MROH2B: variants seen among roughly 807,000 people sequenced by gnomAD.
The protein encoded by MROH2B is maestro heat-like repeat-containing protein family member 2B.
Under a neutral mutation model 208.6 loss-of-function variants are expected in MROH2B, and 177 were observed. That is an observed-to-expected ratio of 0.85 (90% CI 0.75 to 0.96). The LOEUF is 0.96. Ranked by LOEUF, MROH2B falls within the 40% of genes least tolerant of loss-of-function variation. MROH2B has a pLI of 0.00. For missense variants in MROH2B, 2,002 were observed against 1,878.7 expected (o/e 1.07, Z -1.21); for synonymous variants, 728 against 659.0 (o/e 1.10, Z -1.60).
rs765855870 is a variant in MROH2B, at chr5:41,004,514, C to T, written c.4026G>A (p.Lys1342=). 1.2e-6 allele frequency: 2 copies of T among 1,605,904 alleles called. No individual in the cohort carries two copies. Among genetic ancestry groups the T allele is most frequent in the Admixed American group, 1.7e-5 (1 of 57,742 alleles). Residue 1342 remains lysine (K), a synonymous_variant, in exon 37 of 42, where the codon AAG becomes AAA. Transcript: ENST00000399564. ...SGAPHKVKKH[K]QLMLESIIRG... ...TGATGATAGATTCTAGCATTAACTG[C>T]TTATGTTTCTTCACCTATTTTGAAA...
chr5:41,044,204 C>T (rs1038636332), intron 18 of MROH2B, among the ~76,000 whole-genome samples: 3 of 149,296 alleles, frequency 2.0e-5, no homozygotes, highest in Non-Finnish European at 4.4e-5. Flanking sequence ...GGTCCGAGAT[C>T]GTGCCACCGC....
intron 26 of MROH2B, 31 bp downstream of exon 26, chr5:41,018,660 G>A (rs1404373039): frequency 1.9e-6 from 3 of 1,604,326 alleles, no homozygotes; most frequent in Middle Eastern, 1.7e-4. Context: ...TAGGGAGAAT[G>A]AGAATCAGTT....
chr5:41,030,703 A>G (rs926613698), intron 24 of MROH2B, among the ~76,000 whole-genome samples: 2 of 152,106 alleles, frequency 1.3e-5, no homozygotes, highest in African/African-American at 4.8e-5. Context: ...TGGAGTCACT[A>G]CATTACCTGA....
intron 18 of MROH2B, 82 bp downstream of exon 18, chr5:41,045,662 TTG>T: frequency 1.0e-6 from 1 of 963,168 alleles, no homozygotes. Flanking sequence ...CTCCCTTTGA[TTG>T]TGATACAGAC....
chr5:41,047,800 AC>A (rs1743167181), intron 16 of MROH2B, 36 bp from the exon 17 acceptor site: 1 of 1,545,772 alleles, frequency 6.5e-7, no homozygotes, highest in South Asian at 1.2e-5. Flanking sequence ...TCGCAAAAAA[AC>A]AAAACCACCC....
At position 41,065,325 on chromosome 5, in the gene MROH2B, C is replaced by T. The variant is rs761441537; in HGVS notation, c.361+6G>A. ...CAGGGAAAATTGGAGAATATTCCCG[C>T]TATACCATAGCTGGTTGCCAATTCA... On this transcript the variant is annotated splice_donor_region_variant and intron_variant, in intron 4 of 41. Transcript: ENST00000399564. The T allele has an allele frequency of 2.5e-6, 4 of 1,608,194 alleles. No homozygotes were observed. The highest frequency in any genetic ancestry group is 3.4e-6 in the Non-Finnish European group (4 of 1,177,344).
rs559322424 is a variant in MROH2B at position 41,017,169 on chromosome 5, C to A, written c.2884+681G>T. ...TCTACTCTGCAGAACTGCACACACA[C>A]AACGTAGGGCTGTCCTTGGTGAAAC... is the stretch of plus-strand genomic sequence containing the variant. On this transcript the variant is annotated intron_variant, in intron 28 of 41. Coordinates refer to ENST00000399564, the MANE Select transcript of MROH2B (RefSeq NM_173489.5). Among the ~76,000 whole-genome samples, 6 of 152,332 alleles carry A rather than the reference C, an allele frequency of 3.9e-5. No individual in the cohort carries two copies. In the South Asian group the frequency reaches 6.2e-4, roughly 16 times the overall value.
At chr5:41,006,485 G>A (rs145087926) in intron 34 of MROH2B, among the ~76,000 whole-genome samples, 295 of 152,194 alleles carry the variant, frequency 1.9e-3, no homozygotes, top group African/African-American at 6.6e-3. Flanking sequence ...CCACTACTAG[G>A]TATCTACCCA....
At position 41,067,116 on chromosome 5, in the gene MROH2B, C is replaced by A. The variant is rs756629778; in HGVS notation, c.193G>T (p.Asp65Tyr). The change falls in exon 3 of 42, where the codon GAC becomes TAC. Residue 65 changes from aspartate (D) to tyrosine (Y), a missense_variant. Asp to Tyr is a radical substitution (Grantham distance 160). Transcript: ENST00000399564. ...LIYYASKDMR[D>Y]NNMLREIRML... The stretch of plus-strand genomic sequence containing the variant: ...TCATGAACCAAACTTACATTGTTGT[C>A]TCTCATATCCTTAGAAGCATAATAA... The A allele has an allele frequency of 4.5e-6, 7 of 1,546,792 alleles. No individual in the cohort carries two copies. Among genetic ancestry groups the A allele is most frequent in the Non-Finnish European group, 6.1e-6 (7 of 1,142,136 alleles).
chr5:41,019,408 T>C lies in MROH2B; in HGVS notation c.2442-390A>G, dbSNP rs112591309. On this transcript the variant is annotated intron_variant, in intron 24 of 41. Transcript: ENST00000399564. ...AGAGATATGTATCTCCTCAACTAGA[T>C]TGTAAGTCTGCAGCAGTGACTTTTA... Among the ~76,000 whole-genome samples the C allele has an allele frequency of 2.2e-3, 339 of 152,208 alleles. 1 individual carries two copies. The highest frequency in any genetic ancestry group is 7.5e-3 in the African/African-American group (310 of 41,538).
intron 12 of MROH2B, 58 bp downstream of exon 12, chr5:41,052,407 T>G (rs369559201): frequency 6.9e-7 from 1 of 1,455,668 alleles, no homozygotes; most frequent in African/African-American, 1.4e-5. Context: ...AAAAGAAACA[T>G]AGTTGAGCGA....
chr5:41,045,295 G>A (rs1303450678), intron 18 of MROH2B, among the ~76,000 whole-genome samples: 2 of 152,078 alleles, frequency 1.3e-5, no homozygotes, highest in African/African-American at 2.4e-5. Flanking sequence ...TTCTTTGGGC[G>A]CCCTTTCCTA....
intron 30 of MROH2B, among the ~76,000 whole-genome samples, chr5:41,012,355 G>A (rs1485975942): frequency 6.6e-6 from 1 of 152,192 alleles, no homozygotes; most frequent in Non-Finnish European, 1.5e-5. Flanking sequence ...TAGCCAGAAA[G>A]AGACAGTTTG....
In MROH2B at chr5:41,042,277, G is replaced by A. The variant is rs73090383; in HGVS notation, c.1837-69C>T. 4.4e-4 allele frequency: 405 copies of A among 926,572 alleles called. 1 individual carries two copies. In the African/African-American group the frequency reaches 5.7e-3, roughly 13 times the overall value. The allele number at this position is 926,572 out of a possible 1,614,324, so 57.4% of individuals were successfully genotyped here. On this transcript the variant is annotated intron_variant, in intron 18 of 41. Coordinates refer to ENST00000399564, the MANE Select transcript of MROH2B (RefSeq NM_173489.5). Reference sequence around the variant, plus strand: ...GCAAGACTCTGATGAAAAGTGGAAAGAGTTAAAATAATCATCTGAAGGAAA... The same window carrying A: ...GCAAGACTCTGATGAAAAGTGGAAAAAGTTAAAATAATCATCTGAAGGAAA...
At chr5:41,052,209 GAA>G (rs3073958) in intron 12 of MROH2B, among the ~76,000 whole-genome samples, 85,637 of 137,950 alleles carry the variant, frequency 0.62, 25,982 homozygotes, top group African/African-American at 0.73. Flanking sequence ...GGTGATTTTA[GAA>G]AAAAAAAAAA....
At chr5:41,047,863 T>C in intron 16 of MROH2B, 99 bp from the exon 17 acceptor site, 1 of 1,013,382 alleles carries the variant, frequency 9.9e-7, no homozygotes, top group Non-Finnish European at 1.5e-6. Context: ...AGTTCTATTT[T>C]AAGCTTTCTT....
chr5:41,064,624 G>A, intron 4 of MROH2B, 54 bp from the exon 5 acceptor site: 1 of 1,380,224 alleles, frequency 7.2e-7, no homozygotes, highest in Non-Finnish European at 1.0e-6. Flanking sequence ...CAAATTTGGG[G>A]TTCTGTGACT....
At chr5:41,037,783 C>G (rs1742811491) in intron 21 of MROH2B, among the ~76,000 whole-genome samples, 1 of 152,178 alleles carries the variant, frequency 6.6e-6, no homozygotes, top group Non-Finnish European at 1.5e-5. Flanking sequence ...TTTAAGCATA[C>G]AGATTTCCAG....
In MROH2B at chr5:41,061,725, C is replaced by T. The variant is rs752423402; in HGVS notation, c.461-1G>A. 4.3e-6 allele frequency: 7 copies of T among 1,613,024 alleles called. No homozygotes were observed. The highest frequency in any genetic ancestry group is 5.9e-6 in the Non-Finnish European group (7 of 1,179,430). Reference sequence around the variant, plus strand: ...ATGGCTTTGCTGAATTTCTCAAGGGCTGCATTTAAAACACACAACCACAGA... The same window carrying T: ...ATGGCTTTGCTGAATTTCTCAAGGGTTGCATTTAAAACACACAACCACAGA... On this transcript the variant is annotated splice_acceptor_variant, in intron 5 of 41. Transcript: ENST00000399564. LOFTEE classifies it high-confidence loss of function.
Sources: allele counts gnomAD v4.1 joint callset (sites outside exome capture counted in the v4.1 genomes callset), GRCh38; gene constraint gnomAD v4.1.1; transcripts MANE v1.5; gene names NCBI Gene and HGNC (gene_info 2026-07-23, HGNC 2026-07-21).